ARL2BP: variants seen among roughly 807,000 people sequenced by gnomAD.
The protein encoded by ARL2BP is ADP-ribosylation factor-like protein 2-binding protein.
ARL2BP carries 19 observed loss-of-function variants against 24.2 expected under a neutral mutation model. The observed-to-expected ratio is 0.79, with a 90% CI of 0.55 to 1.15. ARL2BP has a LOEUF of 1.15. Among genes scored for constraint, ARL2BP ranks in the 50% most tolerant of loss-of-function variants. The pLI is 0.00. For synonymous variants in ARL2BP, 56 were observed against 70.5 expected (o/e 0.79, Z 1.03); for missense variants, 160 against 190.4 (o/e 0.84, Z 0.94).
chr16:57,252,423 C>A lies in ARL2BP; in HGVS notation c.*156C>A. 7.4e-7 allele frequency: 1 copy of A among 1,355,798 alleles called. No individual in the cohort carries two copies. The highest frequency in any genetic ancestry group is 2.2e-5 in the Admixed American group (1 of 46,050). The allele number at this position is 1,355,798 out of a possible 1,614,324, so 84.0% of individuals were successfully genotyped here. On this transcript the variant is annotated 3_prime_UTR_variant, in exon 6 of 6. Coordinates refer to ENST00000219204, the MANE Select transcript of ARL2BP (RefSeq NM_012106.4). ...TAGGTCAAAACCAAAATGACCTAAC[C>A]CTCCTGGACCTATTTATCCTGAAAC...
At chr16:57,246,226 A>C in intron 2 of ARL2BP, 85 bp downstream of exon 2, 1 of 1,346,880 alleles carries the variant, frequency 7.4e-7, no homozygotes. Flanking sequence ...TTTTAAAAAG[A>C]GAAAACATCA....
At chr16:57,249,577 T>C in intron 3 of ARL2BP, 190 bp from the exon 4 acceptor site, 1 of 592,602 alleles carries the variant, frequency 1.7e-6, no homozygotes, top group Non-Finnish European at 3.0e-6. Context: ...AAGGCTTCTC[T>C]TCCACACCAG....
At chr16:57,247,804 C>G (rs1329799288) in intron 2 of ARL2BP, among the ~76,000 whole-genome samples, 2 of 152,124 alleles carry the variant, frequency 1.3e-5, no homozygotes, top group African/African-American at 4.8e-5. Flanking sequence ...TCCACAACTG[C>G]TGTGGAAGTT....
chr16:57,250,135 A>G (rs2075402776), intron 4 of ARL2BP: 1 of 591,774 alleles, frequency 1.7e-6, no homozygotes, highest in Non-Finnish European at 3.0e-6. Flanking sequence ...CCCTACAAAA[A>G]ATAAATTAGT....
chr16:57,250,265 G>C, intron 4 of ARL2BP, 146 bp from the exon 5 acceptor site: 1 of 680,878 alleles, frequency 1.5e-6, no homozygotes, highest in South Asian at 1.8e-5. Flanking sequence ...ACTCCTGCCT[G>C]GGTGACAGAG....
rs1323557381 is a variant in ARL2BP at position 57,250,226 on chromosome 16, G to A, written c.294-185G>A. The A allele has an allele frequency of 3.4e-5, 21 of 617,752 alleles. No homozygotes were observed. In the East Asian group the frequency reaches 5.5e-4, roughly 16 times the overall value. 38.3% of individuals were successfully genotyped at this position (617,752 alleles called of 1,614,324 possible). On this transcript the variant is annotated intron_variant, in intron 4 of 5. Coordinates refer to ENST00000219204, the MANE Select transcript of ARL2BP (RefSeq NM_012106.4). ...AATCCCTTGAGCCCAGCAGTTCAAG[G>A]CTACAGTGAGCTATAATTGCACCCC...
intron 1 of ARL2BP, 33 bp downstream of exon 1, chr16:57,245,438 G>T: frequency 6.2e-7 from 1 of 1,600,820 alleles, no homozygotes; most frequent in Non-Finnish European, 8.5e-7. Context: ...AGGCGACTTG[G>T]GGCCGGAGGC....
intron 1 of ARL2BP, chr16:57,245,797 C>T: frequency 2.0e-6 from 1 of 506,642 alleles, no homozygotes; most frequent in East Asian, 3.4e-5. Context: ...CGGGTTCATG[C>T]TCACAAGCAG....
At position 57,253,200 on chromosome 16, in the gene ARL2BP, T is replaced by C. The variant is rs1432718535; in HGVS notation, c.*933T>C. 5.9e-5 allele frequency: 9 copies of C among 152,654 alleles called. No individual in the cohort carries two copies. Among genetic ancestry groups the C allele is most frequent in the Admixed American group, 5.9e-4 (9 of 15,282 alleles). The allele number at this position is 152,654 out of a possible 1,614,324, so 9.5% of individuals were successfully genotyped here. ...CATGTTAGTGTGTTTGCATGTTTGC[T>C]GAAAATCCTTTGTGTATAAACCAGT... On this transcript the variant is annotated 3_prime_UTR_variant, in exon 6 of 6. Coordinates refer to ENST00000219204, the MANE Select transcript of ARL2BP (RefSeq NM_012106.4).
Position 57,245,345 on chromosome 16 carries a change from G to T in ARL2BP, c.-23G>T. ...TGCGAGTTGGGCCGCGGGCGGGGTT[G>T]GAGCCTACTCGGGGCGACTGCGATG... On this transcript the variant is annotated 5_prime_UTR_variant, in exon 1 of 6. Transcript: ENST00000219204. 1 of 1,602,392 alleles carries T rather than the reference G, an allele frequency of 6.2e-7. No individual in the cohort carries two copies. The highest frequency in any genetic ancestry group is 8.5e-7 in the Non-Finnish European group (1 of 1,175,696).
Position 57,245,404 on chromosome 16 carries a change from TTGTGAGTAG to T in ARL2BP, c.38_38+8del. ...AGAAGGAGAGAGCTTTGCGCTGTCT[TTGTGAGTAG>T]CTCCTCCAGGGCGCAGGCGACTTGG... On this transcript the variant is annotated splice_donor_variant and splice_donor_5th_base_variant and coding_sequence_variant and intron_variant, in exon 1 of 6. Transcript: ENST00000219204. LOFTEE classifies it high-confidence loss of function. 6.2e-7 allele frequency: 1 copy of T among 1,606,546 alleles called. No homozygotes were observed. The highest frequency in any genetic ancestry group is 8.5e-7 in the Non-Finnish European group (1 of 1,177,268).
chr16:57,252,069 C>T, intron 5 of ARL2BP, 97 bp from the exon 6 acceptor site: 1 of 1,000,964 alleles, frequency 1.0e-6, no homozygotes, highest in Non-Finnish European at 1.5e-6. Flanking sequence ...CTCTGGAGGT[C>T]CACGTTCCCA....
chr16:57,246,557 C>T (rs1225282446), intron 2 of ARL2BP, among the ~76,000 whole-genome samples: 1 of 152,184 alleles, frequency 6.6e-6, no homozygotes, highest in Non-Finnish European at 1.5e-5. Context: ...AATCCCAGCA[C>T]TTTGGGAGGC....
intron 2 of ARL2BP, 98 bp downstream of exon 2, chr16:57,246,239 C>T: frequency 8.2e-7 from 1 of 1,214,120 alleles, no homozygotes; most frequent in Non-Finnish European, 1.2e-6. Flanking sequence ...AAACATCAAG[C>T]TGCCTGCAAT....
Position 57,253,416 on chromosome 16 carries a change from T to C in ARL2BP, c.*1149T>C, listed in dbSNP as rs1036366589. On this transcript the variant is annotated 3_prime_UTR_variant, in exon 6 of 6. Transcript: ENST00000219204. Reference sequence around the variant, plus strand: ...TATCAGAAAACATATATGTCATCTCTAGAACGAAGAAAAAGCATAGTAGTT... The same window carrying C: ...TATCAGAAAACATATATGTCATCTCCAGAACGAAGAAAAAGCATAGTAGTT... 2 of 152,132 alleles carry C rather than the reference T, an allele frequency of 1.3e-5. 1 individual carries two copies. Among genetic ancestry groups the C allele is most frequent in the South Asian group, 4.1e-4 (2 of 4,820 alleles). The allele number at this position is 152,132 out of a possible 1,614,324, so 9.4% of individuals were successfully genotyped here.
intron 1 of ARL2BP, chr16:57,245,760 C>T (rs1025077716): frequency 4.0e-6 from 2 of 501,034 alleles, no homozygotes; most frequent in Admixed American, 3.6e-5. Context: ...ACCAAATGAC[C>T]CCCCCCGGCA....
At chr16:57,251,321 A>G (rs1169147542) in intron 5 of ARL2BP, 1 of 151,828 alleles carries the variant, frequency 6.6e-6, no homozygotes. Context: ...GGACCGCTTG[A>G]GCCCAGAAGG....
chr16:57,245,340 G>C lies in ARL2BP; in HGVS notation c.-28G>C. The C allele has an allele frequency of 2.5e-6, 4 of 1,600,880 alleles. No individual in the cohort carries two copies. The highest frequency in any genetic ancestry group is 2.6e-6 in the Non-Finnish European group (3 of 1,175,012). ...CTGCATGCGAGTTGGGCCGCGGGCG[G>C]GGTTGGAGCCTACTCGGGGCGACTG... On this transcript the variant is annotated 5_prime_UTR_variant, in exon 1 of 6. Coordinates refer to ENST00000219204, the MANE Select transcript of ARL2BP (RefSeq NM_012106.4).
At chr16:57,245,526 G>C (rs1433743292) in intron 1 of ARL2BP, 121 bp downstream of exon 1, 7 of 1,317,290 alleles carry the variant, frequency 5.3e-6, no homozygotes, top group East Asian at 5.4e-5. Flanking sequence ...CGGGCAGGGT[G>C]GGGGCCGCCA....
Sources: gnomAD v4.1 joint callset for allele counts (sites outside exome capture counted in the v4.1 genomes callset) on GRCh38, gnomAD v4.1.1 for gene constraint, MANE v1.5 for transcripts, NCBI Gene and HGNC (gene_info 2026-07-23, HGNC 2026-07-21) for gene names.